Variants in HIVEP1 observed in about 807,000 individuals in gnomAD.
HIVEP1 encodes the protein zinc finger protein 40.
Under a neutral mutation model 180.0 loss-of-function variants are expected in HIVEP1, and 36 were observed. The ratio of observed to expected loss-of-function variants is 0.20; its 90% CI spans 0.15 to 0.26. HIVEP1 has a LOEUF of 0.26. HIVEP1 is among the 10% of genes least tolerant of loss of function. The pLI, the probability that HIVEP1 is intolerant of heterozygous loss-of-function variation, is 1.00. For synonymous variants in HIVEP1, 1,239 were observed against 1,239.0 expected (o/e 1.00, Z 0.00); for missense variants, 3,143 against 3,268.7 (o/e 0.96, Z 0.94).
intron 2 of HIVEP1, among the ~76,000 whole-genome samples, chr6:12,077,057 A>G (rs927693464): frequency 1.1e-4 from 16 of 152,118 alleles, no homozygotes; most frequent in Admixed American, 8.5e-4. Flanking sequence ...AAGCCCCAGG[A>G]GGAGCCCAGA....
the HIVEP1 span, among the ~76,000 whole-genome samples, chr6:12,197,552 CA>C: frequency 0.075 from 7,396 of 98,808 alleles, 236 homozygotes; most frequent in African/African-American, 0.17. Context: ...GAGACTGTCT[CA>C]AAAAAAAAAA....
chr6:12,169,978 G>A (rs1760854869), downstream of HIVEP1, among the ~76,000 whole-genome samples: 1 of 152,004 alleles, frequency 6.6e-6, no homozygotes, highest in South Asian at 2.1e-4. Flanking sequence ...AAAAGTAGCC[G>A]GGGGTGGTGG....
Position 12,161,709 on chromosome 6 carries a change from T to C in HIVEP1, c.6758T>C (p.Leu2253Pro), listed in dbSNP as rs1760413735. 6.2e-7 allele frequency: 1 copy of C among 1,614,094 alleles called. No individual in the cohort carries two copies. The highest frequency in any genetic ancestry group is 8.5e-7 in the Non-Finnish European group (1 of 1,180,038). Residue 2253 changes from leucine to proline, a missense_variant, in exon 8 of 9, where the codon CTG (leucine) becomes CCG (proline). Physicochemically the swap from Leu to Pro is moderately conservative, Grantham distance 98. Transcript: ENST00000379388. ...TDPMDVLPRA[L>P]LTRMTVLSTA... The stretch of plus-strand genomic sequence containing the variant: ...CCAATGGACGTTCTGCCCAGGGCGC[T>C]GCTCACCAGAATGACTGTCCTGAGC...
intron 1 of HIVEP1, among the ~76,000 whole-genome samples, chr6:12,013,728 T>C (rs985359291): frequency 6.6e-6 from 1 of 152,268 alleles, no homozygotes; most frequent in Non-Finnish European, 1.5e-5. Context: ...CCTTCCTGAA[T>C]TAGATAGTGG....
chr6:12,042,140 C>T (rs929964278), intron 2 of HIVEP1, among the ~76,000 whole-genome samples: 6 of 145,042 alleles, frequency 4.1e-5, no homozygotes, highest in East Asian at 4.1e-4. Flanking sequence ...ACTGCAGTGG[C>T]GCAATCTCGG....
chr6:12,018,189 C>T (rs1767952915), intron 2 of HIVEP1, among the ~76,000 whole-genome samples: 1 of 152,232 alleles, frequency 6.6e-6, no homozygotes, highest in Non-Finnish European at 1.5e-5. Flanking sequence ...TGCCCGGGGC[C>T]TGCCAAGCCC....
the HIVEP1 span, among the ~76,000 whole-genome samples, chr6:12,200,168 C>G: frequency 5.3e-5 from 8 of 152,178 alleles, no homozygotes; most frequent in Non-Finnish European, 1.0e-4. Context: ...GCAGAAGCAG[C>G]TTTCTATCAG....
At chr6:12,114,303 T>A (rs552620491) in intron 3 of HIVEP1, among the ~76,000 whole-genome samples, 1 of 152,364 alleles carries the variant, frequency 6.6e-6, no homozygotes, top group African/African-American at 2.4e-5. Context: ...GGACCTCTTG[T>A]TAATTTTCAT....
chr6:12,074,619 AGTGTGTGT>A (rs113951055), intron 2 of HIVEP1, among the ~76,000 whole-genome samples: 12 of 138,768 alleles, frequency 8.6e-5, no homozygotes, highest in African/African-American at 3.1e-4. Context: ...TGTATGAAAA[AGTGTGTGT>A]GTGTGTGTGT....
At chr6:12,024,770 G>T (rs1382301126) in intron 2 of HIVEP1, among the ~76,000 whole-genome samples, 1 of 152,226 alleles carries the variant, frequency 6.6e-6, no homozygotes, top group African/African-American at 2.4e-5. Context: ...GGACTTGGAA[G>T]GTGGTTGGTT....
chr6:12,121,731 C>A lies in HIVEP1; in HGVS notation c.1936C>A (p.Leu646Ile). 1 of 1,614,162 alleles carries A rather than the reference C, an allele frequency of 6.2e-7. No homozygotes were observed. ...TCACGTAGGAACGGTACACGCCCAG[C>A]TACAAAGGCAGCAGGCTACCGATTA... ...DSHVGTVHAQ[L>I]QRQQATDYSQ... Residue 646 changes from leucine (L) to isoleucine (I), a missense_variant, in exon 4 of 9, where the codon CTA (leucine) becomes ATA (isoleucine). Physicochemically the swap from Leu to Ile is conservative, Grantham distance 5. Coordinates refer to ENST00000379388, the MANE Select transcript of HIVEP1 (RefSeq NM_002114.4). This position sits in a 1 kb window ranked among gnomAD's most constrained non-coding sequence, Gnocchi z 5.3.
At chr6:12,029,186 A>G (rs185768646) in intron 2 of HIVEP1, among the ~76,000 whole-genome samples, 1 of 152,336 alleles carries the variant, frequency 6.6e-6, no homozygotes, top group Admixed American at 6.5e-5. Flanking sequence ...GGTTACATAG[A>G]GTGTTCTAGA....
chr6:12,165,406 C>T (rs933031930), downstream of HIVEP1, among the ~76,000 whole-genome samples: 10 of 152,120 alleles, frequency 6.6e-5, no homozygotes, highest in African/African-American at 1.9e-4. Context: ...CAGATCCATT[C>T]GTGGGCTATG....
chr6:12,116,283 C>T (rs961776332), intron 3 of HIVEP1, among the ~76,000 whole-genome samples: 2 of 152,054 alleles, frequency 1.3e-5, no homozygotes, highest in African/African-American at 4.8e-5. Flanking sequence ...GGGTCTGCTG[C>T]CTTCCACTCT....
the HIVEP1 span, among the ~76,000 whole-genome samples, chr6:12,174,433 A>G: frequency 2.8e-3 from 434 of 152,322 alleles, 2 homozygotes; most frequent in African/African-American, 9.9e-3. Context: ...AATATTTAGT[A>G]TATGGTACAT....
At position 12,029,119 on chromosome 6, in the gene HIVEP1, T is replaced by C. The variant is rs539196308; in HGVS notation, c.40+13451T>C. Among the ~76,000 whole-genome samples, 21 of 152,362 alleles carry C rather than the reference T, an allele frequency of 1.4e-4. No homozygotes were observed. In the South Asian group the frequency reaches 4.1e-3, roughly 30 times the overall value. On this transcript the variant is annotated intron_variant, in intron 2 of 8. Transcript: ENST00000379388. ...CTCGTTTGATGGACATTTGTATTGT[T>C]TTCAGTGTTTGGCTTGTGTGAATAA...
chr6:12,132,181 G>A (rs1758460082), intron 6 of HIVEP1, among the ~76,000 whole-genome samples: 1 of 152,134 alleles, frequency 6.6e-6, no homozygotes, highest in Non-Finnish European at 1.5e-5. Context: ...TGAGTTTAAG[G>A]ATGATTTTCC....
chr6:12,031,031 G>GT (rs147110626), intron 2 of HIVEP1, among the ~76,000 whole-genome samples: 21,606 of 151,828 alleles, frequency 0.14, 1,567 homozygotes, highest in Admixed American at 0.18. Context: ...TCGTTTGTTT[G>GT]TTTTTTTTGT....
At chr6:12,082,188 AG>A (rs1211994511) in intron 2 of HIVEP1, among the ~76,000 whole-genome samples, 2 of 152,152 alleles carry the variant, frequency 1.3e-5, no homozygotes, top group African/African-American at 4.8e-5. Flanking sequence ...AAAGCTTAAA[AG>A]AATGTATACA....
Sources: gnomAD v4.1 joint callset for allele counts (sites outside exome capture counted in the v4.1 genomes callset) on GRCh38, gnomAD v4.1.1 for gene constraint, Gnocchi (gnomAD v3.1) non-coding constraint, MANE v1.5 for transcripts, NCBI Gene and HGNC (gene_info 2026-07-23, HGNC 2026-07-21) for gene names.